ATPAF1: variants seen among roughly 807,000 people sequenced by gnomAD.
ATPAF1 encodes homolog of yeast ATP11.
ATPAF1 carries 26 observed loss-of-function variants against 43.9 expected under a neutral mutation model. The ratio of observed to expected loss-of-function variants is 0.59; its 90% confidence interval spans 0.43 to 0.82. ATPAF1 has a LOEUF of 0.82. ATPAF1 is among the 40% of genes least tolerant of loss of function. The pLI is 0.00. For missense variants in ATPAF1, 366 were observed against 435.0 expected, an observed-to-expected ratio of 0.84 and a Z score of 1.41; for synonymous variants, 157 against 168.0, an observed-to-expected ratio of 0.93 and a Z score of 0.50.
At chr1:46,637,182 T>C (rs999996013) in intron 8 of ATPAF1, among the ~76,000 whole-genome samples, 1 of 152,084 alleles carries the variant, frequency 6.6e-6, no homozygotes, top group Non-Finnish European at 1.5e-5. Context: ...TGGTGAGCAA[T>C]AGCAGAGAAA....
At chr1:46,634,830 T>A (rs532929443), downstream of ATPAF1, 1 of 152,722 alleles carries the variant, frequency 6.5e-6, no homozygotes, top group South Asian at 2.1e-4. Context: ...AGTCCCAAGA[T>A]GAGTTTTGAT....
chr1:46,654,702 CCT>C (rs1057112486), intron 4 of ATPAF1, among the ~76,000 whole-genome samples: 23 of 152,078 alleles, frequency 1.5e-4, no homozygotes, highest in East Asian at 1.2e-3. Context: ...CCCTCCACCC[CCT>C]GACAGGCCCC....
Position 46,653,741 on chromosome 1 carries a change from A to C in ATPAF1, c.540+76T>G, listed in dbSNP as rs941744977. On this transcript the variant is annotated intron_variant, in intron 5 of 8. Transcript: ENST00000574428. This position sits in a 1 kb window ranked among gnomAD's most constrained non-coding sequence, Gnocchi z 4.8. The stretch of plus-strand genomic sequence containing the variant: ...AGAGGCAATAAACATAGGAAAAGTA[A>C]AGGCAACTGCCTGCTAAGGTTAGAG... The C allele has an allele frequency of 1.4e-6, 2 of 1,421,266 alleles. No homozygotes were observed. Among genetic ancestry groups the C allele is most frequent in the Non-Finnish European group, 1.9e-6 (2 of 1,028,770 alleles). The allele number at this position is 1,421,266 out of a possible 1,614,324, so 88.0% of individuals were successfully genotyped here. A position where few individuals can be genotyped will look rare whatever the true frequency, so the allele number is the denominator to read the frequency against.
rs150881175 is a variant in ATPAF1 at position 46,641,451 on chromosome 1, G to A, written c.792+1743C>T. ...TTTGAAACAAAAGATACCCTTGGGC[G>A]CACTTCTCCACCTCCAGCTAATACC... On this transcript the variant is annotated intron_variant, in intron 8 of 8. Transcript: ENST00000574428. Among the ~76,000 whole-genome samples the A allele has an allele frequency of 9.9e-5, 15 of 152,214 alleles. No individual in the cohort carries two copies. The East Asian group carries it at 2.7e-3, about 27-fold the overall frequency.
At chr1:46,665,939 G>C in intron 1 of ATPAF1, 1 of 1,215,146 alleles carries the variant, frequency 8.2e-7, no homozygotes, top group East Asian at 3.6e-5. Flanking sequence ...AAATGGGGTT[G>C]GTCTTCAGGT....
intron 1 of ATPAF1, 45 bp from the exon 2 acceptor site, chr1:46,665,409 A>G: frequency 6.4e-7 from 1 of 1,564,430 alleles, no homozygotes; most frequent in Non-Finnish European, 8.8e-7. Flanking sequence ...GGCCTTTTTG[A>G]ATTCTAAAAT....
In ATPAF1 at chr1:46,656,472, G is replaced by A. The variant is rs146752544; in HGVS notation, c.489+1655C>T. On this transcript the variant is annotated intron_variant, in intron 4 of 8. Transcript: ENST00000574428. ...GACCTATGGAAACTACTCTCAATGTGGCATAAGGTTGCTTTACCTTTTCTT... is the reference window on the plus strand; with the variant it reads ...GACCTATGGAAACTACTCTCAATGTAGCATAAGGTTGCTTTACCTTTTCTT... 1.0e-3 allele frequency among the ~76,000 whole-genome samples: 158 copies of A among 152,226 alleles called. 2 individuals carry two copies. The highest frequency in any genetic ancestry group is 9.0e-4 in the Non-Finnish European group (61 of 68,012).
rs558805004 is a variant in ATPAF1 at position 46,653,157 on chromosome 1, T to C, written c.541-529A>G. On this transcript the variant is annotated intron_variant, in intron 5 of 8. Transcript: ENST00000574428. The surrounding 1 kb of genome is among the most constrained non-coding windows in gnomAD (Gnocchi z 4.8). The stretch of plus-strand genomic sequence containing the variant: ...TCTCAATATATATTTGTGTGCTTGA[T>C]AGAAACTTAACCTAAGCTCCCACCC... Among the ~76,000 whole-genome samples, 4 of 152,296 alleles carry C rather than the reference T, an allele frequency of 2.6e-5. No individual in the cohort carries two copies. Among genetic ancestry groups the C allele is most frequent in the East Asian group, 1.9e-4 (1 of 5,186 alleles).
rs1449705325 is a variant in ATPAF1 at position 46,668,080 on chromosome 1, G to C, written c.243C>G (p.Arg81=). 6.9e-7 allele frequency: 1 copy of C among 1,447,248 alleles called. No individual in the cohort carries two copies. The highest frequency in any genetic ancestry group is 1.4e-5 in the South Asian group (1 of 71,942). 89.7% of individuals were successfully genotyped at this position (1,447,248 alleles called of 1,614,324 possible). Residue 81 remains arginine, a synonymous_variant, in exon 1 of 9, where the codon CGC becomes CGG. Coordinates refer to ENST00000574428, the Ensembl canonical transcript of ATPAF1. This position sits in a 1 kb window ranked among gnomAD's most constrained non-coding sequence, Gnocchi z 4.4. ...ACCTGCGCAGCAGCTGGATCTTGTC[G>C]CGGTAGCGGTCGTAGAAAGGGTTGG...
chr1:46,663,074 T>G (rs1436442096), intron 2 of ATPAF1, among the ~76,000 whole-genome samples: 1 of 152,188 alleles, frequency 6.6e-6, no homozygotes, highest in Admixed American at 6.5e-5. Context: ...AGAACGATGG[T>G]TTCCAGCTTC....
intron 4 of ATPAF1, among the ~76,000 whole-genome samples, chr1:46,654,667 TCTC>T (rs968722317): frequency 4.0e-5 from 6 of 151,898 alleles, no homozygotes; most frequent in African/African-American, 1.5e-4. Flanking sequence ...TTTAAGTATT[TCTC>T]CTAATGATAT....
At chr1:46,647,581 T>G (rs963341556) in intron 6 of ATPAF1, among the ~76,000 whole-genome samples, 16 of 152,236 alleles carry the variant, frequency 1.1e-4, no homozygotes, top group Non-Finnish European at 1.9e-4. Context: ...TTGCATTGTT[T>G]CCAGCATTGG....
At position 46,653,899 on chromosome 1, in the gene ATPAF1, T is replaced by C. The variant is rs758417409; in HGVS notation, c.490-32A>G. On this transcript the variant is annotated intron_variant, in intron 4 of 8. Coordinates refer to ENST00000574428, the Ensembl canonical transcript of ATPAF1. The surrounding 1 kb of genome is among the most constrained non-coding windows in gnomAD (Gnocchi z 4.8). ...AAAAAAGAGAGGGGTGTCTGTGACA[T>C]GTGGGTAATCTTTTCAACATGTGCC... 1.4e-5 allele frequency: 22 copies of C among 1,602,238 alleles called. No homozygotes were observed. In the South Asian group the frequency reaches 1.9e-4, roughly 14 times the overall value.
chr1:46,661,788 C>T (rs977339337), intron 2 of ATPAF1, among the ~76,000 whole-genome samples: 2 of 152,008 alleles, frequency 1.3e-5, no homozygotes, highest in African/African-American at 4.8e-5. Context: ...TAGCCTTCCT[C>T]TATCTAGCTA....
chr1:46,639,663 T>C (rs1054697465), intron 8 of ATPAF1, among the ~76,000 whole-genome samples: 2 of 152,222 alleles, frequency 1.3e-5, no homozygotes. Context: ...AAGTGCACAA[T>C]TCATGCATGA....
At chr1:46,645,366 ATTT>A in intron 6 of ATPAF1, 110 bp from the exon 7 acceptor site, 2 of 857,560 alleles carry the variant, frequency 2.3e-6, no homozygotes, top group Non-Finnish European at 3.6e-6. Context: ...TTTTTAAAAT[ATTT>A]TTTTATTTTT....
intron 3 of ATPAF1, 35 bp downstream of exon 3, chr1:46,658,652 C>T: frequency 1.3e-6 from 2 of 1,540,800 alleles, no homozygotes; most frequent in Non-Finnish European, 1.8e-6. Flanking sequence ...CATATGACTT[C>T]AAGCTTTTTT....
chr1:46,639,119 A>G (rs553982593), intron 8 of ATPAF1, among the ~76,000 whole-genome samples: 1 of 152,312 alleles, frequency 6.6e-6, no homozygotes, highest in African/African-American at 2.4e-5. Flanking sequence ...GCTAGGTCTT[A>G]AAATCCATCT....
exon 4 of ATPAF1, chr1:46,658,158 A>G: frequency 6.2e-7 from 1 of 1,611,804 alleles, no homozygotes; most frequent in Non-Finnish European, 8.5e-7. Flanking sequence ...TTTTTCTTTT[A>G]CCATCTCAAT....
Sources: gnomAD v4.1 joint callset for allele counts (sites outside exome capture counted in the v4.1 genomes callset) on GRCh38, gnomAD v4.1.1 for gene constraint, Gnocchi (gnomAD v3.1) non-coding constraint, MANE v1.5 for transcripts, NCBI Gene and HGNC (gene_info 2026-07-23, HGNC 2026-07-21) for gene names.